WWOX: variants seen among roughly 807,000 people sequenced by gnomAD.
WWOX encodes WW domain containing oxidoreductase.
WWOX carries 69 observed loss-of-function variants against 46.2 expected under a neutral mutation model. The observed-to-expected ratio is 1.49, with a 90% CI of 1.23 to 1.82. The LOEUF (loss-of-function observed/expected upper bound fraction) is 1.82, where lower values mean the gene tolerates loss of function less well. Among genes scored for constraint, WWOX ranks in the 40% most tolerant of loss-of-function variants. WWOX has a pLI of 0.00. For synonymous variants in WWOX, 359 were observed against 202.6 expected (o/e 1.77, Z -6.56); for missense variants, 919 against 542.6 (o/e 1.69, Z -6.89).
chr16:78,661,446 G>A (rs1038176312), intron 8 of WWOX, among the ~76,000 whole-genome samples: 1 of 151,998 alleles, frequency 6.6e-6, no homozygotes, highest in African/African-American at 2.4e-5. Flanking sequence ...TTTTCTGTAT[G>A]ACTTTATCTG....
rs145296939 is a variant in WWOX at position 78,974,263 on chromosome 16, A to T, written c.1057-237345A>T. Among the ~76,000 whole-genome samples the T allele has an allele frequency of 5.0e-3, 769 of 152,316 alleles. 5 individuals carry two copies. Among genetic ancestry groups the T allele is most frequent in the African/African-American group, 0.017 (694 of 41,564 alleles). ...TGTTAGAGAAAAACTGTCTCTAATGACCGCACAGCACAAAGCAAAGCAGTT... is the reference window on the plus strand; with the variant it reads ...TGTTAGAGAAAAACTGTCTCTAATGTCCGCACAGCACAAAGCAAAGCAGTT... On this transcript the variant is annotated intron_variant, in intron 8 of 8. Coordinates refer to ENST00000566780, the MANE Select transcript of WWOX (RefSeq NM_016373.4).
At chr16:79,137,019 G>T (rs1038489674) in intron 8 of WWOX, among the ~76,000 whole-genome samples, 1 of 152,166 alleles carries the variant, frequency 6.6e-6, no homozygotes, top group Non-Finnish European at 1.5e-5. Context: ...GGAGGCTATT[G>T]TGATGTTTTA....
At position 78,787,141 on chromosome 16, in the gene WWOX, G is replaced by T. The variant is rs191304533; in HGVS notation, c.1056+354389G>T. ...CCAGCCTGGGCGACAGAGTGAGACT[G>T]TGTCTCAAAAACAAAAATAAAACAA... On this transcript the variant is annotated intron_variant, in intron 8 of 8. Coordinates refer to ENST00000566780, the MANE Select transcript of WWOX (RefSeq NM_016373.4). 4.9e-3 allele frequency among the ~76,000 whole-genome samples: 739 copies of T among 152,224 alleles called. 4 individuals are homozygous for T. Among genetic ancestry groups the T allele is most frequent in the Non-Finnish European group, 8.1e-3 (552 of 68,016 alleles).
intron 8 of WWOX, among the ~76,000 whole-genome samples, chr16:78,644,456 G>A (rs535302920): frequency 2.0e-5 from 3 of 151,178 alleles, no homozygotes; most frequent in South Asian, 2.1e-4. Flanking sequence ...AAAAACCTGG[G>A]CCCTTATTTT....
Position 78,680,267 on chromosome 16 carries a change from G to C in WWOX, c.1056+247515G>C, listed in dbSNP as rs1042250228. Among the ~76,000 whole-genome samples, 11 of 152,258 alleles carry C rather than the reference G, an allele frequency of 7.2e-5. No homozygotes were observed. The East Asian group carries it at 2.1e-3, about 29-fold the overall frequency. On this transcript the variant is annotated intron_variant, in intron 8 of 8. Coordinates refer to ENST00000566780, the MANE Select transcript of WWOX (RefSeq NM_016373.4). ...CTGCAGAAAATACAAAAATTAGCCA[G>C]GTGTGGTGGCATGCATCTGCAGTCC...
chr16:78,993,403 G>A (rs912640854), intron 8 of WWOX, among the ~76,000 whole-genome samples: 12 of 152,162 alleles, frequency 7.9e-5, no homozygotes, highest in African/African-American at 2.9e-4. Flanking sequence ...ATTAACTGGG[G>A]ACTCTGCCTC....
intron 5 of WWOX, among the ~76,000 whole-genome samples, chr16:78,352,926 C>T (rs955881146): frequency 3.3e-5 from 5 of 152,212 alleles, no homozygotes; most frequent in Non-Finnish European, 7.4e-5. Context: ...ATAGCACTAG[C>T]TTATAGTTTA....
intron 8 of WWOX, among the ~76,000 whole-genome samples, chr16:79,093,780 T>A (rs2049012844): frequency 6.6e-6 from 1 of 152,204 alleles, no homozygotes; most frequent in South Asian, 2.1e-4. Flanking sequence ...GATACTTTTC[T>A]CTCTTGCTTC....
chr16:78,913,157 G>C lies in WWOX; in HGVS notation c.1057-298451G>C, dbSNP rs564165380. On this transcript the variant is annotated intron_variant, in intron 8 of 8. Transcript: ENST00000566780. Reference sequence around the variant, plus strand: ...GATTTTGATTTCGATCATGGCAGTTGCTGTCGCTGAGGTAATATGAGGAGA... The same window carrying C: ...GATTTTGATTTCGATCATGGCAGTTCCTGTCGCTGAGGTAATATGAGGAGA... Among the ~76,000 whole-genome samples, 26 of 152,104 alleles carry C rather than the reference G, an allele frequency of 1.7e-4. No homozygotes were observed. In the South Asian group the frequency reaches 5.2e-3, roughly 30 times the overall value.
intron 8 of WWOX, among the ~76,000 whole-genome samples, chr16:78,665,336 G>A (rs1430227880): frequency 1.3e-5 from 2 of 152,124 alleles, no homozygotes; most frequent in East Asian, 3.8e-4. Context: ...GGATTCAGTA[G>A]GGATATTCAT....
intron 1 of WWOX, among the ~76,000 whole-genome samples, chr16:78,106,229 T>G (rs1417041654): frequency 6.6e-6 from 1 of 152,164 alleles, no homozygotes; most frequent in African/African-American, 2.4e-5. Context: ...TTAACTTTCT[T>G]GAAGAAGCTT....
intron 8 of WWOX, among the ~76,000 whole-genome samples, chr16:78,543,261 A>T (rs1280569739): frequency 1.3e-5 from 2 of 152,152 alleles, no homozygotes; most frequent in Non-Finnish European, 2.9e-5. Flanking sequence ...AAGTGTCACG[A>T]GTCGTTTCCT....
At chr16:78,551,711 C>T (rs1488249844) in intron 8 of WWOX, 1 of 152,006 alleles carries the variant, frequency 6.6e-6, no homozygotes, top group Non-Finnish European at 1.5e-5. Flanking sequence ...CGCTTAACAC[C>T]CCAGCCTCCC....
At position 79,212,250 on chromosome 16, in the gene WWOX, G is replaced by A. The variant is rs926097250; in HGVS notation, c.*454G>A. ...ACTGCTCCTTGCTGCATTGATCCAGGAGATAATTGTTTCATTCATCCTGAC... is the reference window on the plus strand; with the variant it reads ...ACTGCTCCTTGCTGCATTGATCCAGAAGATAATTGTTTCATTCATCCTGAC... On this transcript the variant is annotated 3_prime_UTR_variant, in exon 9 of 9. Transcript: ENST00000566780. 75 of 1,332,062 alleles carry A rather than the reference G, an allele frequency of 5.6e-5. No individual in the cohort carries two copies. The highest frequency in any genetic ancestry group is 5.3e-4 in the Middle Eastern group (2 of 3,758). The allele number at this position is 1,332,062 out of a possible 1,614,324, so 82.5% of individuals were successfully genotyped here. A position where few individuals can be genotyped will look rare whatever the true frequency, so the allele number is the denominator to read the frequency against.
rs183458498 is a variant in WWOX, at chr16:78,942,841, C to G, written c.1057-268767C>G. ...CCCGGAAGGGATGAATTCCAAATCC[C>G]GTGGCTCAGGTCCTAGGTCAAAGAC... On this transcript the variant is annotated intron_variant, in intron 8 of 8. Coordinates refer to ENST00000566780, the MANE Select transcript of WWOX (RefSeq NM_016373.4). Among the ~76,000 whole-genome samples the G allele has an allele frequency of 8.2e-4, 125 of 152,298 alleles. 1 individual carries two copies. Among genetic ancestry groups the G allele is most frequent in the Middle Eastern group, 6.8e-3 (2 of 294 alleles).
intron 8 of WWOX, among the ~76,000 whole-genome samples, chr16:79,074,173 T>A (rs2048605882): frequency 6.6e-6 from 1 of 152,000 alleles, no homozygotes; most frequent in Admixed American, 6.6e-5. Context: ...CGACCCCAAG[T>A]TGGAGCTGTG....
chr16:78,369,646 C>G (rs2081620715), intron 5 of WWOX, among the ~76,000 whole-genome samples: 1 of 151,626 alleles, frequency 6.6e-6, no homozygotes, highest in Admixed American at 6.6e-5. Context: ...ATACTGTTAT[C>G]CATCCTATTG....
chr16:78,251,997 A>C (rs1461578828), intron 5 of WWOX, among the ~76,000 whole-genome samples: 1 of 152,194 alleles, frequency 6.6e-6, no homozygotes, highest in Non-Finnish European at 1.5e-5. Flanking sequence ...AAGTCTTCAG[A>C]TCTGGCAAGT....
At chr16:78,675,933 A>G (rs965217016) in intron 8 of WWOX, among the ~76,000 whole-genome samples, 6 of 152,160 alleles carry the variant, frequency 3.9e-5, no homozygotes, top group Admixed American at 2.0e-4. Flanking sequence ...GTGGGAAAAA[A>G]TTTAAATCCT....
Sources: gnomAD v4.1 joint callset for allele counts (sites outside exome capture counted in the v4.1 genomes callset) on GRCh38, gnomAD v4.1.1 for gene constraint, MANE v1.5 for transcripts, NCBI Gene and HGNC (gene_info 2026-07-23, HGNC 2026-07-21) for gene names.